Variants in MGST2 observed in about 807,000 individuals in gnomAD.
MGST2 encodes microsomal glutathione S-transferase 2.
In MGST2, 9 loss-of-function variants were observed where a neutral mutation model predicts 16.6. That is an observed-to-expected ratio of 0.54 (90% confidence interval 0.33 to 0.95). The LOEUF is 0.95. MGST2 is among the 40% of genes least tolerant of loss of function. MGST2 has a pLI of 0.03. For missense variants in MGST2, 159 were observed against 175.1 expected, an observed-to-expected ratio of 0.91 and a Z score of 0.52; for synonymous variants, 79 against 68.0, an observed-to-expected ratio of 1.16 and a Z score of -0.79.
intron 3 of MGST2, chr4:139,698,444 C>A (rs1357491355): frequency 1.1e-5 from 13 of 1,180,660 alleles, no homozygotes; most frequent in Non-Finnish European, 1.6e-5. Context: ...GATGAGGTTT[C>A]TTCACCCCTC....
the MGST2 span, among the ~76,000 whole-genome samples, chr4:139,748,390 G>A: frequency 1.3e-5 from 2 of 150,740 alleles, no homozygotes; most frequent in African/African-American, 2.4e-5. Flanking sequence ...AATACCAGGA[G>A]GAGGGTCTAG....
At chr4:139,725,051 A>G (rs536605656) in intron 5 of MGST2, among the ~76,000 whole-genome samples, 23 of 152,140 alleles carry the variant, frequency 1.5e-4, no homozygotes, top group African/African-American at 5.5e-4. Context: ...GAGCCACCGC[A>G]CCCGGCCAAG....
intron 3 of MGST2, among the ~76,000 whole-genome samples, chr4:139,700,416 C>T (rs1244828078): frequency 6.6e-6 from 1 of 152,086 alleles, no homozygotes; most frequent in Admixed American, 6.5e-5. Context: ...CAGGCGTGAG[C>T]CACCACGCCC....
rs572708166 is a variant in MGST2 at position 139,666,273 on chromosome 4, G to C, written c.58+196G>C. On this transcript the variant is annotated intron_variant, in intron 1 of 4. Transcript: ENST00000265498. ...ATGCCGCCTGCTACCCTCCTTCCCA[G>C]GGGCAAGCAGAGACTGAGAACATTC... 3.9e-5 allele frequency among the ~76,000 whole-genome samples: 6 copies of C among 152,126 alleles called. No homozygotes were observed. The East Asian group carries it at 1.2e-3, about 29-fold the overall frequency.
chr4:139,730,152 T>TCCTTTCC, intron 5 of MGST2: 1 of 542,428 alleles, frequency 1.8e-6, no homozygotes, highest in Non-Finnish European at 3.3e-6. Context: ...GGAGTCAGAC[T>TCCTTTCC]TGAATCAAAG....
intron 5 of MGST2, chr4:139,719,357 A>G (rs1411961553): frequency 6.2e-7 from 1 of 1,605,612 alleles, no homozygotes; most frequent in Non-Finnish European, 8.5e-7. Context: ...AAGCTCCTGC[A>G]TCCACTCGTC....
intron 1 of MGST2, among the ~76,000 whole-genome samples, chr4:139,672,336 A>G (rs1730739036): frequency 6.6e-6 from 1 of 152,208 alleles, no homozygotes; most frequent in South Asian, 2.1e-4. Flanking sequence ...CAAGGCTGTG[A>G]AGCATGTTAG....
intron 3 of MGST2, among the ~76,000 whole-genome samples, chr4:139,697,287 A>G (rs1258002333): frequency 6.6e-6 from 1 of 152,070 alleles, no homozygotes; most frequent in Non-Finnish European, 1.5e-5. Flanking sequence ...TTCTTTACTA[A>G]TAAATGTCCT....
Position 139,665,924 on chromosome 4 carries a change from C to A in MGST2, c.-96C>A. 7.9e-7 allele frequency: 1 copy of A among 1,264,608 alleles called. No individual in the cohort carries two copies. Among genetic ancestry groups the A allele is most frequent in the East Asian group, 2.3e-5 (1 of 42,678 alleles). 78.3% of individuals were successfully genotyped at this position (1,264,608 alleles called of 1,614,324 possible). Reference sequence around the variant, plus strand: ...AATCAGCCTTTTCCCCCCACCCGGTCCCCAACTTTGTTTACCCGATAAGGA... The same window carrying A: ...AATCAGCCTTTTCCCCCCACCCGGTACCCAACTTTGTTTACCCGATAAGGA... On this transcript the variant is annotated 5_prime_UTR_variant, in exon 1 of 5. Coordinates refer to ENST00000265498, the MANE Select transcript of MGST2 (RefSeq NM_002413.5).
downstream of MGST2, among the ~76,000 whole-genome samples, chr4:139,706,683 TACAC>T (rs111407241): frequency 6.6e-6 from 1 of 150,540 alleles, no homozygotes; most frequent in African/African-American, 2.4e-5. Flanking sequence ...AACACACACA[TACAC>T]ACACACACAC....
chr4:139,741,099 T>TAG (rs983478459), downstream of MGST2, among the ~76,000 whole-genome samples: 110 of 152,094 alleles, frequency 7.2e-4, no homozygotes, highest in African/African-American at 2.5e-3. Context: ...TTCCTATGAG[T>TAG]AGAAGCCTGC....
At chr4:139,671,371 T>C (rs1730683838) in intron 1 of MGST2, among the ~76,000 whole-genome samples, 1 of 152,130 alleles carries the variant, frequency 6.6e-6, no homozygotes. Flanking sequence ...AGGAGATTAT[T>C]ATCTAGAGGT....
chr4:139,709,065 G>GA (rs368272756), downstream of MGST2, among the ~76,000 whole-genome samples: 30,422 of 60,576 alleles, frequency 0.5, 8,216 homozygotes, highest in Admixed American at 0.58. Context: ...TGAGACAATG[G>GA]AAAAAATTTT....
At chr4:139,677,691 C>G (rs540766805) in intron 1 of MGST2, among the ~76,000 whole-genome samples, 1 of 151,994 alleles carries the variant, frequency 6.6e-6, no homozygotes. Context: ...TTAGTAGAGA[C>G]AGGGTTTCTC....
At chr4:139,734,454 C>G (rs1370504454) in intron 5 of MGST2, among the ~76,000 whole-genome samples, 1 of 152,232 alleles carries the variant, frequency 6.6e-6, no homozygotes, top group African/African-American at 2.4e-5. Flanking sequence ...TTCTTCCCCT[C>G]AAAAATCCAA....
At chr4:139,728,839 T>C (rs955127428) in intron 5 of MGST2, among the ~76,000 whole-genome samples, 2 of 152,206 alleles carry the variant, frequency 1.3e-5, no homozygotes, top group African/African-American at 2.4e-5. Context: ...GGGAACACCC[T>C]TGGGCTGCAC....
chr4:139,670,770 T>C (rs1730644161), intron 1 of MGST2, among the ~76,000 whole-genome samples: 4 of 151,916 alleles, frequency 2.6e-5, no homozygotes, highest in Admixed American at 2.6e-4. Context: ...AAAAATTAGC[T>C]GAGTGTTGTG....
chr4:139,701,227 T>C (rs140583905), intron 3 of MGST2, among the ~76,000 whole-genome samples: 1 of 152,300 alleles, frequency 6.6e-6, no homozygotes, highest in Non-Finnish European at 1.5e-5. Context: ...CAGAAATTTC[T>C]TTTCATTCTT....
chr4:139,754,435 A>C, the MGST2 span, among the ~76,000 whole-genome samples: 101 of 152,248 alleles, frequency 6.6e-4, no homozygotes, highest in Non-Finnish European at 5.1e-4. Flanking sequence ...AAACAAGACA[A>C]GGATCATAGC....
Sources: gnomAD v4.1 joint callset for allele counts (sites outside exome capture counted in the v4.1 genomes callset) on GRCh38, gnomAD v4.1.1 for gene constraint, MANE v1.5 for transcripts, NCBI Gene and HGNC (gene_info 2026-07-23, HGNC 2026-07-21) for gene names.